SORCS2: variants seen among roughly 807,000 people sequenced by gnomAD.
The protein encoded by SORCS2 is sortilin related VPS10 domain containing receptor 2.
Under a neutral mutation model 141.6 loss-of-function variants are expected in SORCS2, and 100 were observed. The observed-to-expected ratio is 0.71, with a 90% CI of 0.60 to 0.83. The LOEUF is 0.83. Among genes scored for constraint, SORCS2 ranks in the 40% least tolerant of loss-of-function variants. SORCS2 has a pLI of 0.00. For missense variants in SORCS2, 1,646 were observed against 1,560.2 expected (o/e 1.05, Z -0.93); for synonymous variants, 789 against 676.9 (o/e 1.17, Z -2.57).
chr4:7,515,555 T>G (rs954325361), intron 2 of SORCS2, among the ~76,000 whole-genome samples: 1 of 152,204 alleles, frequency 6.6e-6, no homozygotes, highest in East Asian at 1.9e-4. Flanking sequence ...CTCAGCACAT[T>G]GAGGAGGCCT....
Position 7,676,072 on chromosome 4 carries a change from A to G in SORCS2, c.1184A>G (p.Asp395Gly). 6.3e-7 allele frequency: 1 copy of G among 1,589,846 alleles called. No homozygotes were observed. The highest frequency in any genetic ancestry group is 8.6e-7 in the Non-Finnish European group (1 of 1,167,410). ...CAGGATCTGCAGATCATCAGCACGG[A>G]CGAGAGTCAGGTGTTCGTGGCGGTG... Reference protein sequence around the residue: ...LPKDLQIISTDESQVFVAVQE... With the variant: ...LPKDLQIISTGESQVFVAVQE... Residue 395 changes from aspartate to glycine, a missense_variant, in exon 9 of 27, where the codon GAC (aspartate) becomes GGC (glycine). Transcript: ENST00000507866.
At chr4:7,669,194 C>G (rs1366970319) in intron 8 of SORCS2, among the ~76,000 whole-genome samples, 1 of 152,200 alleles carries the variant, frequency 6.6e-6, no homozygotes, top group Non-Finnish European at 1.5e-5. Flanking sequence ...TCAAGAGACT[C>G]TCACAGCAGT....
At chr4:7,429,263 A>G (rs1204768403) in intron 2 of SORCS2, among the ~76,000 whole-genome samples, 1 of 152,096 alleles carries the variant, frequency 6.6e-6, no homozygotes, top group Non-Finnish European at 1.5e-5. Context: ...GTGCTGCTCT[A>G]TTCCACCCCA....
intron 1 of SORCS2, among the ~76,000 whole-genome samples, chr4:7,244,199 G>A (rs1357346858): frequency 6.6e-6 from 1 of 152,206 alleles, no homozygotes; most frequent in African/African-American, 2.4e-5. Context: ...CTCCGTTCTT[G>A]GAGCTGACAA....
intron 1 of SORCS2, among the ~76,000 whole-genome samples, chr4:7,328,071 G>A (rs6846332): frequency 0.011 from 1,603 of 141,818 alleles, 32 homozygotes; most frequent in African/African-American, 0.039. Context: ...TATCACCCAG[G>A]CTGGAGTGAA....
rs1006513774 is a variant in SORCS2, at chr4:7,233,932, G to T, written c.480+40806G>T. Among the ~76,000 whole-genome samples, 2 of 152,166 alleles carry T rather than the reference G, an allele frequency of 1.3e-5. No homozygotes were observed. Among genetic ancestry groups the T allele is most frequent in the Non-Finnish European group, 2.9e-5 (2 of 68,030 alleles). On this transcript the variant is annotated intron_variant, in intron 1 of 26. Coordinates refer to ENST00000507866, the MANE Select transcript of SORCS2 (RefSeq NM_020777.3). The surrounding 1 kb of genome is among the most constrained non-coding windows in gnomAD (Gnocchi z 4.5). ...CTCAGTTTCCGCATCTGTAAAAGGA[G>T]GCTGTTGGGCTCAGGAGCAAGATGG...
intron 1 of SORCS2, among the ~76,000 whole-genome samples, chr4:7,343,107 C>T (rs903801797): frequency 3.3e-5 from 5 of 152,220 alleles, no homozygotes; most frequent in Admixed American, 1.3e-4. Flanking sequence ...TGTGTTCTTC[C>T]GGGCACGGCA....
At chr4:7,336,485 G>A (rs912558770) in intron 1 of SORCS2, among the ~76,000 whole-genome samples, 2 of 135,300 alleles carry the variant, frequency 1.5e-5, no homozygotes, top group African/African-American at 2.9e-5. Flanking sequence ...CCTCCTGTTC[G>A]CATCTTGGTG....
intron 2 of SORCS2, among the ~76,000 whole-genome samples, chr4:7,416,778 A>G (rs994058357): frequency 6.2e-5 from 8 of 129,302 alleles, no homozygotes; most frequent in South Asian, 2.4e-4. Context: ...GCATGCATGT[A>G]CACACACGCT....
At chr4:7,391,132 C>T (rs1345004703) in intron 1 of SORCS2, among the ~76,000 whole-genome samples, 1 of 152,200 alleles carries the variant, frequency 6.6e-6, no homozygotes, top group Non-Finnish European at 1.5e-5. Context: ...CTGCATCACA[C>T]CCTCTTTGTT....
At chr4:7,647,709 C>T (rs1006487716) in intron 4 of SORCS2, among the ~76,000 whole-genome samples, 1 of 152,176 alleles carries the variant, frequency 6.6e-6, no homozygotes, top group African/African-American at 2.4e-5. Flanking sequence ...GGTCGCCAGC[C>T]ACCCAGGATT....
chr4:7,194,639 T>C (rs1319203321), intron 1 of SORCS2, among the ~76,000 whole-genome samples: 1 of 151,574 alleles, frequency 6.6e-6, no homozygotes, highest in African/African-American at 2.4e-5. Flanking sequence ...TGGGGTGACT[T>C]GCAGAGGTGG....
intron 1 of SORCS2, among the ~76,000 whole-genome samples, chr4:7,353,350 A>T (rs1721063609): frequency 1.3e-5 from 2 of 152,210 alleles, no homozygotes; most frequent in Admixed American, 1.3e-4. Context: ...CTTGGTGCCA[A>T]GTGGGACCTG....
intron 1 of SORCS2, among the ~76,000 whole-genome samples, chr4:7,267,384 C>T (rs1053920199): frequency 8.5e-5 from 13 of 152,238 alleles, no homozygotes; most frequent in Admixed American, 7.8e-4. Context: ...CTTGCCGCAG[C>T]TCCGAGGATG....
intron 1 of SORCS2, among the ~76,000 whole-genome samples, chr4:7,380,648 TTAA>T (rs2109067545): frequency 6.6e-6 from 1 of 152,394 alleles, no homozygotes; most frequent in East Asian, 1.9e-4. Flanking sequence ...TCGTTCCTCC[TTAA>T]TAAAGTCAGG....
At chr4:7,217,308 A>G (rs7678751) in intron 1 of SORCS2, among the ~76,000 whole-genome samples, 87,577 of 151,990 alleles carry the variant, frequency 0.58, 25,326 homozygotes, top group Non-Finnish European at 0.59. Context: ...CCTGGCCCTC[A>G]GGCATCACAG....
intron 3 of SORCS2, among the ~76,000 whole-genome samples, chr4:7,555,570 C>T (rs1169160990): frequency 6.6e-6 from 1 of 152,242 alleles, no homozygotes; most frequent in Admixed American, 6.5e-5. Context: ...TATTTAGTGT[C>T]AGGGTTGGGT....
At chr4:7,462,076 A>C (rs34842798) in intron 2 of SORCS2, among the ~76,000 whole-genome samples, 82,917 of 152,134 alleles carry the variant, frequency 0.55, 23,446 homozygotes, top group African/African-American at 0.65. Context: ...AAGTGAGTGT[A>C]AGGGAGAGGA....
intron 1 of SORCS2, among the ~76,000 whole-genome samples, chr4:7,282,008 GCCTCGTGGAGCT>G (rs1469519784): frequency 3.9e-5 from 6 of 152,340 alleles, no homozygotes; most frequent in African/African-American, 1.4e-4. Context: ...TCGCCACTCT[GCCTCGTGGAGCT>G]CCTAAGGGGA....
Sources: allele counts gnomAD v4.1 joint callset (sites outside exome capture counted in the v4.1 genomes callset), GRCh38; gene constraint gnomAD v4.1.1; non-coding constraint Gnocchi (gnomAD v3.1); transcripts MANE v1.5; gene names NCBI Gene and HGNC (gene_info 2026-07-23, HGNC 2026-07-21).